ZNF609: variants seen among roughly 807,000 people sequenced by gnomAD.
ZNF609 encodes the protein zinc finger protein 609.
A neutral mutation model predicts 109.5 loss-of-function variants in ZNF609; 11 were observed. The observed-to-expected ratio is 0.10, with a 90% CI of 0.06 to 0.17. The LOEUF is 0.17. ZNF609 is among the 10% of genes least tolerant of loss of function. ZNF609 has a pLI of 1.00. For synonymous variants in ZNF609, 646 were observed against 662.0 expected (o/e 0.98, Z 0.37); for missense variants, 1,559 against 1,772.4 (o/e 0.88, Z 2.16).
chr15:64,642,741 C>T (rs1182826339), intron 3 of ZNF609, among the ~76,000 whole-genome samples: 1 of 152,192 alleles, frequency 6.6e-6, no homozygotes, highest in Non-Finnish European at 1.5e-5. Context: ...CTGCAGTGAG[C>T]CCTGACTGTG....
chr15:64,626,875 T>A (rs1314518669), intron 3 of ZNF609, among the ~76,000 whole-genome samples: 1 of 152,194 alleles, frequency 6.6e-6, no homozygotes, highest in Non-Finnish European at 1.5e-5. Context: ...AATTTTTTTG[T>A]CTGTTTGTTT....
chr15:64,576,980 ATG>A (rs1279407853), intron 2 of ZNF609, among the ~76,000 whole-genome samples: 5 of 136,702 alleles, frequency 3.7e-5, no homozygotes, highest in African/African-American at 8.1e-5. Context: ...AAATATATAT[ATG>A]TATGTATACA....
At chr15:64,563,257 C>G (rs1894711469) in intron 2 of ZNF609, among the ~76,000 whole-genome samples, 1 of 151,862 alleles carries the variant, frequency 6.6e-6, no homozygotes, top group African/African-American at 2.4e-5. Flanking sequence ...CAAGACAAGC[C>G]TGGGGAACAT....
intron 2 of ZNF609, among the ~76,000 whole-genome samples, chr15:64,579,826 A>C (rs769274085): frequency 1.6e-4 from 24 of 152,222 alleles, no homozygotes; most frequent in Non-Finnish European, 3.1e-4. Context: ...TGCTTTATGC[A>C]GTTGTCTTTT....
chr15:64,517,399 C>T (rs1893829659), intron 2 of ZNF609, among the ~76,000 whole-genome samples: 1 of 152,010 alleles, frequency 6.6e-6, no homozygotes, highest in African/African-American at 2.4e-5. Flanking sequence ...ACAAAATTCC[C>T]TGTGATTCAA....
rs929839823 is a variant in ZNF609 at position 64,683,785 on chromosome 15, G to A, written c.*2099G>A. ...GTTTTTAAATATTGTTGTGTGTTTTGTATCTGTGGCACTGGCCTGCAGCAT... is the reference window on the plus strand; with the variant it reads ...GTTTTTAAATATTGTTGTGTGTTTTATATCTGTGGCACTGGCCTGCAGCAT... On this transcript the variant is annotated 3_prime_UTR_variant, in exon 10 of 10. Transcript: ENST00000326648. 3.3e-5 allele frequency: 5 copies of A among 152,214 alleles called. No homozygotes were observed. Among genetic ancestry groups the A allele is most frequent in the African/African-American group, 1.2e-4 (5 of 41,448 alleles). The allele number at this position is 152,214 out of a possible 1,614,324, so 9.4% of individuals were successfully genotyped here. A position where few individuals can be genotyped will look rare whatever the true frequency, so the allele number is the denominator to read the frequency against.
chr15:64,577,120 ATG>A (rs1472338506), intron 2 of ZNF609, among the ~76,000 whole-genome samples: 39 of 115,860 alleles, frequency 3.4e-4, no homozygotes, highest in African/African-American at 1.2e-3. Flanking sequence ...ATATACATAT[ATG>A]TGTATATATA....
At chr15:64,651,203 T>C (rs947113992) in intron 3 of ZNF609, among the ~76,000 whole-genome samples, 1 of 152,224 alleles carries the variant, frequency 6.6e-6, no homozygotes, top group Non-Finnish European at 1.5e-5. Flanking sequence ...TTATACCTTA[T>C]TGCATTTTTG....
At chr15:64,512,146 A>G (rs968916162) in intron 2 of ZNF609, among the ~76,000 whole-genome samples, 1 of 152,242 alleles carries the variant, frequency 6.6e-6, no homozygotes, top group East Asian at 1.9e-4. Flanking sequence ...GCATTTCGGA[A>G]TTCAACTATA....
chr15:64,565,038 C>T (rs972099403), intron 2 of ZNF609, among the ~76,000 whole-genome samples: 3 of 146,412 alleles, frequency 2.0e-5, no homozygotes, highest in African/African-American at 5.0e-5. Context: ...TTAGTAGAGA[C>T]GGGGTTTTCT....
chr15:64,561,904 C>T (rs757923078), intron 2 of ZNF609, among the ~76,000 whole-genome samples: 8 of 152,066 alleles, frequency 5.3e-5, no homozygotes, highest in Non-Finnish European at 1.0e-4. Flanking sequence ...GGGCTTAGTA[C>T]ATGATGTTTT....
intron 2 of ZNF609, among the ~76,000 whole-genome samples, chr15:64,538,169 T>C (rs1053762605): frequency 2.0e-5 from 3 of 152,278 alleles, no homozygotes; most frequent in Non-Finnish European, 4.4e-5. Context: ...TTAATCTCTT[T>C]CCTTTGTTGC....
intron 3 of ZNF609, among the ~76,000 whole-genome samples, chr15:64,641,219 C>CTTT (rs34007985): frequency 7.2e-5 from 5 of 69,736 alleles, no homozygotes; most frequent in Admixed American, 2.3e-4. Context: ...CTTGTGCTTT[C>CTTT]TTTTTTTTTT....
intron 2 of ZNF609, among the ~76,000 whole-genome samples, chr15:64,618,773 C>T (rs759121058): frequency 1.6e-4 from 24 of 152,286 alleles, no homozygotes; most frequent in Non-Finnish European, 2.8e-4. Flanking sequence ...CTCCTCTCAA[C>T]GCCCTCTCGA....
chr15:64,584,278 C>G (rs1275900736), intron 2 of ZNF609, among the ~76,000 whole-genome samples: 1 of 151,952 alleles, frequency 6.6e-6, no homozygotes, highest in Non-Finnish European at 1.5e-5. Flanking sequence ...GGCAACATGG[C>G]GAAACCCAGT....
At chr15:64,532,909 C>T (rs140215326) in intron 2 of ZNF609, among the ~76,000 whole-genome samples, 2 of 152,254 alleles carry the variant, frequency 1.3e-5, no homozygotes, top group Non-Finnish European at 2.9e-5. Flanking sequence ...ATTTTAGGTA[C>T]GGTACTCATG....
intron 3 of ZNF609, among the ~76,000 whole-genome samples, chr15:64,638,034 C>CAT (rs35928856): frequency 0.31 from 41,085 of 133,630 alleles, 6,595 homozygotes; most frequent in Admixed American, 0.44. Context: ...TATAAAAATA[C>CAT]ATATATATAT....
chr15:64,528,338 C>T (rs1894001423), intron 2 of ZNF609, among the ~76,000 whole-genome samples: 1 of 150,938 alleles, frequency 6.6e-6, no homozygotes, highest in South Asian at 2.1e-4. Context: ...ACCTCTTGAT[C>T]CAGAATCCTG....
At chr15:64,516,434 C>G (rs920862885) in intron 2 of ZNF609, among the ~76,000 whole-genome samples, 1 of 152,096 alleles carries the variant, frequency 6.6e-6, no homozygotes, top group African/African-American at 2.4e-5. Flanking sequence ...TGCAATGGCA[C>G]GATCTCGTCT....
Sources: allele counts gnomAD v4.1 joint callset (sites outside exome capture counted in the v4.1 genomes callset), GRCh38; gene constraint gnomAD v4.1.1; transcripts MANE v1.5; gene names NCBI Gene and HGNC (gene_info 2026-07-23, HGNC 2026-07-21).